DCAF1: variants seen among roughly 807,000 people sequenced by gnomAD.
DCAF1 encodes the protein DDB1- and CUL4-associated factor 1.
DCAF1 carries 15 observed loss-of-function variants against 128.0 expected under a neutral mutation model. The observed-to-expected ratio is 0.12, with a 90% CI of 0.08 to 0.18. DCAF1 has a LOEUF of 0.18. Ranked by LOEUF, DCAF1 falls within the 10% of genes least tolerant of loss-of-function variation. The pLI, the probability that DCAF1 is intolerant of heterozygous loss-of-function variation, is 1.00. For synonymous variants in DCAF1, 610 were observed against 603.0 expected (o/e 1.01, Z -0.17); for missense variants, 988 against 1,649.5 (o/e 0.60, Z 6.95).
At chr3:51,413,900 G>T in intron 20 of DCAF1, 50 bp downstream of exon 20, 5 of 1,397,382 alleles carry the variant, frequency 3.6e-6, no homozygotes, top group Non-Finnish European at 4.7e-6. Flanking sequence ...CAAATTAAGT[G>T]AAGGGGTAGA....
intron 2 of DCAF1, among the ~76,000 whole-genome samples, chr3:51,488,918 T>A (rs1301987336): frequency 6.6e-6 from 1 of 151,818 alleles, no homozygotes; most frequent in East Asian, 1.9e-4. Context: ...TAAGCCAAGA[T>A]AGCACCACTG....
chr3:51,459,355 A>G (rs530192851), intron 6 of DCAF1, among the ~76,000 whole-genome samples: 12 of 152,340 alleles, frequency 7.9e-5, no homozygotes, highest in Non-Finnish European at 1.2e-4. Context: ...AGACTAAACC[A>G]GGAAGAAGTT....
chr3:51,500,850 C>T (rs1708769305), upstream of DCAF1, among the ~76,000 whole-genome samples: 1 of 137,570 alleles, frequency 7.3e-6, no homozygotes. Context: ...CTCGCTCTGT[C>T]ATCCACGCTG....
chr3:51,467,021 C>T, intron 4 of DCAF1, 145 bp from the exon 5 acceptor site: 2 of 664,640 alleles, frequency 3.0e-6, no homozygotes, highest in South Asian at 1.9e-5. Flanking sequence ...GATTATTGTG[C>T]TAAATTAGAT....
chr3:51,461,447 C>T (rs1161807234), intron 6 of DCAF1, among the ~76,000 whole-genome samples: 2 of 152,140 alleles, frequency 1.3e-5, no homozygotes, highest in Non-Finnish European at 2.9e-5. Context: ...AATAGGAACA[C>T]TTTTACACTG....
Position 51,398,675 on chromosome 3 carries a change from G to A in DCAF1, c.*94C>T, listed in dbSNP as rs1553623931. 4 of 1,501,398 alleles carry A rather than the reference G, an allele frequency of 2.7e-6. No individual in the cohort carries two copies. In the East Asian group the frequency reaches 9.8e-5, roughly 37 times the overall value. The allele number at this position is 1,501,398 out of a possible 1,614,324, so 93.0% of individuals were successfully genotyped here. On this transcript the variant is annotated 3_prime_UTR_variant, in exon 25 of 25. Coordinates refer to ENST00000684031, the MANE Select transcript of DCAF1 (RefSeq NM_001387579.1). ...AGGGCATGCAGCTCCTTAAAAGACA[G>A]ACAGCCCTGGGAGAAAGAGAAGGGA...
At chr3:51,435,591 A>G (rs1700739539) in intron 9 of DCAF1, among the ~76,000 whole-genome samples, 1 of 152,062 alleles carries the variant, frequency 6.6e-6, no homozygotes. Context: ...CACGCCTATA[A>G]TCCCAGCTAC....
At chr3:51,501,341 G>A (rs1708797612), upstream of DCAF1, among the ~76,000 whole-genome samples, 1 of 152,054 alleles carries the variant, frequency 6.6e-6, no homozygotes, top group African/African-American at 2.4e-5. Context: ...CAGAACCAGA[G>A]GACTCCTTAC....
intron 13 of DCAF1, among the ~76,000 whole-genome samples, chr3:51,423,232 C>T (rs1290205417): frequency 6.6e-6 from 1 of 152,176 alleles, no homozygotes; most frequent in East Asian, 1.9e-4. Context: ...GGTCTCATGC[C>T]TGTAATCCTA....
At position 51,479,909 on chromosome 3, in the gene DCAF1, G is replaced by A. The variant is rs533654191; in HGVS notation, c.110+3810C>T. Among the ~76,000 whole-genome samples, 6 of 152,178 alleles carry A rather than the reference G, an allele frequency of 3.9e-5. No homozygotes were observed. In the South Asian group the frequency reaches 1.2e-3, roughly 32 times the overall value. On this transcript the variant is annotated intron_variant, in intron 3 of 24. Transcript: ENST00000684031. Reference sequence around the variant, plus strand: ...TTAAAACAAAGTGGTGGCCAGTATGGTGGTTCACACCTGTAATCCCAGCAC... The same window carrying A: ...TTAAAACAAAGTGGTGGCCAGTATGATGGTTCACACCTGTAATCCCAGCAC...
chr3:51,505,615 C>T, the DCAF1 span, among the ~76,000 whole-genome samples: 1 of 152,206 alleles, frequency 6.6e-6, no homozygotes, highest in African/African-American at 2.4e-5. Flanking sequence ...CTGCCCTGCT[C>T]CTGCTTCAGC....
intron 12 of DCAF1, 122 bp from the exon 13 acceptor site, chr3:51,427,663 C>T: frequency 2.3e-6 from 1 of 427,918 alleles, no homozygotes; most frequent in Non-Finnish European, 4.2e-6. Flanking sequence ...GACAGGGTCT[C>T]ACTTTGCTGC....
chr3:51,416,663 C>G, intron 18 of DCAF1, 124 bp downstream of exon 18: 1 of 1,360,152 alleles, frequency 7.4e-7, no homozygotes, highest in South Asian at 1.3e-5. Flanking sequence ...TAGATTCTAA[C>G]TAGAAGGAAT....
At chr3:51,407,481 G>A (rs1697963441) in intron 23 of DCAF1, among the ~76,000 whole-genome samples, 1 of 152,178 alleles carries the variant, frequency 6.6e-6, no homozygotes, top group African/African-American at 2.4e-5. Context: ...CACACAGGAA[G>A]CACAGCACAC....
chr3:51,477,730 T>C (rs1184162913), intron 3 of DCAF1, among the ~76,000 whole-genome samples: 2 of 152,156 alleles, frequency 1.3e-5, no homozygotes, highest in Admixed American at 6.6e-5. Flanking sequence ...GATGTATCTT[T>C]CAGAGATACT....
intron 2 of DCAF1, among the ~76,000 whole-genome samples, chr3:51,496,032 C>T (rs2108585167): frequency 6.6e-6 from 1 of 152,190 alleles, no homozygotes; most frequent in Middle Eastern, 3.4e-3. Context: ...TGGCTCACAC[C>T]TGTAATCTCA....
chr3:51,413,522 T>G, intron 20 of DCAF1, 136 bp from the exon 21 acceptor site: 1 of 1,381,400 alleles, frequency 7.2e-7, no homozygotes, highest in Non-Finnish European at 9.6e-7. Flanking sequence ...TGTACAGAAA[T>G]CTACTCTGCA....
chr3:51,414,468 T>C (rs1553629605), intron 19 of DCAF1, among the ~76,000 whole-genome samples, 156 bp downstream of exon 19: 1 of 152,224 alleles, frequency 6.6e-6, no homozygotes, highest in African/African-American at 2.4e-5. Context: ...CAACAGTGCT[T>C]TGGAGATTTC....
intron 3 of DCAF1, among the ~76,000 whole-genome samples, chr3:51,473,425 CTTTTTTTTT>C (rs782196520): frequency 1.3e-5 from 1 of 74,184 alleles, no homozygotes; most frequent in Non-Finnish European, 2.5e-5. Context: ...ACTTTCTAGT[CTTTTTTTTT>C]TTTTTTTTTT....
Sources: allele counts gnomAD v4.1 joint callset (sites outside exome capture counted in the v4.1 genomes callset), GRCh38; gene constraint gnomAD v4.1.1; transcripts MANE v1.5; gene names NCBI Gene and HGNC (gene_info 2026-07-23, HGNC 2026-07-21).